Variants in ARFGEF1 observed in about 807,000 individuals in gnomAD.
ARFGEF1 encodes brefeldin A-inhibited guanine nucleotide-exchange protein 1.
ARFGEF1 carries 42 observed loss-of-function variants against 231.0 expected under a neutral mutation model. The observed-to-expected ratio is 0.18, with a 90% confidence interval of 0.14 to 0.24. The LOEUF is 0.24. ARFGEF1 is among the 10% of genes least tolerant of loss of function. The probability of loss-of-function intolerance (pLI) is 1.00; values close to 1 mark genes in which losing one functional copy is unlikely to be tolerated. For synonymous variants in ARFGEF1, 710 were observed against 732.3 expected, an observed-to-expected ratio of 0.97 and a Z score of 0.49; for missense variants, 1,345 against 2,192.0, an observed-to-expected ratio of 0.61 and a Z score of 7.72.
At chr8:67,284,925 T>C (rs1805688078) in intron 7 of ARFGEF1, among the ~76,000 whole-genome samples, 1 of 152,168 alleles carries the variant, frequency 6.6e-6, no homozygotes, top group Non-Finnish European at 1.5e-5. Context: ...AACATCTTTC[T>C]GTTCCAAACA....
chr8:67,186,738 T>C (rs1834709452), intron 5 of ARFGEF1, among the ~76,000 whole-genome samples: 1 of 152,202 alleles, frequency 6.6e-6, no homozygotes. Context: ...GAATTGTTTT[T>C]CTTCACAGAT....
Position 67,291,980 on chromosome 8 carries a change from G to A in ARFGEF1, c.783C>T (p.His261=), listed in dbSNP as rs751171343. The A allele has an allele frequency of 2.2e-5, 36 of 1,613,782 alleles. No individual in the cohort carries two copies. Among genetic ancestry groups the A allele is most frequent in the South Asian group, 1.2e-4 (11 of 91,066 alleles). ...PQTVDHISQE[H]EGDLDLHTND... is the part of the protein sequence containing the mutation. ...TTGTATGGAGGTCAAGGTCCCCTTC[G>A]TGTTCTTGGGATATATGATCAACAG... Residue 261 remains histidine (H), a synonymous_variant, in exon 6 of 39, where the codon CAC becomes CAT. Coordinates refer to ENST00000262215, the MANE Select transcript of ARFGEF1 (RefSeq NM_006421.5).
intron 1 of ARFGEF1, among the ~76,000 whole-genome samples, chr8:67,319,751 T>A (rs1807492510): frequency 6.6e-6 from 1 of 152,126 alleles, no homozygotes; most frequent in African/African-American, 2.4e-5. Flanking sequence ...GTTAAGAGAA[T>A]AAAAGGTAAG....
downstream of ARFGEF1, chr8:67,175,433 A>G (rs369060106): frequency 6.8e-5 from 110 of 1,614,142 alleles, 1 homozygote; most frequent in African/African-American, 1.3e-3. Context: ...GGAAGGTGCC[A>G]AAGGTAAGAA....
At chr8:67,241,513 A>G (rs1236625649) in intron 19 of ARFGEF1, among the ~76,000 whole-genome samples, 2 of 152,250 alleles carry the variant, frequency 1.3e-5, no homozygotes, top group African/African-American at 4.8e-5. Flanking sequence ...ATCAAAGACA[A>G]TGATTCCTCC....
chr8:67,240,307 T>C lies in ARFGEF1; in HGVS notation c.2851-17A>G, dbSNP rs761377434. On this transcript the variant is annotated splice_polypyrimidine_tract_variant and intron_variant, in intron 19 of 38. Transcript: ENST00000262215. ...CCAAGCCAACTACAAAAATTAAAAA[T>C]TGTATTTTAATTAAAGATTATGATA... 1.5e-5 allele frequency: 23 copies of C among 1,581,838 alleles called. No homozygotes were observed. Among genetic ancestry groups the C allele is most frequent in the Non-Finnish European group, 2.0e-5 (23 of 1,168,882 alleles).
intron 7 of ARFGEF1, among the ~76,000 whole-genome samples, chr8:67,281,572 A>G (rs1327020568): frequency 6.6e-6 from 1 of 152,136 alleles, no homozygotes; most frequent in Non-Finnish European, 1.5e-5. Context: ...ACACTATTCA[A>G]CATTTTCTGG....
chr8:67,223,527 T>C (rs192218546), intron 29 of ARFGEF1, among the ~76,000 whole-genome samples: 1 of 152,232 alleles, frequency 6.6e-6, no homozygotes, highest in East Asian at 1.9e-4. Context: ...CCCATACATA[T>C]CCTGGGATGA....
intron 1 of ARFGEF1, among the ~76,000 whole-genome samples, chr8:67,320,485 C>A (rs778633382): frequency 1.3e-5 from 2 of 152,068 alleles, no homozygotes; most frequent in Non-Finnish European, 2.9e-5. Context: ...ACCATATGAC[C>A]CAGCAGTCCC....
At position 67,197,770 on chromosome 8, in the gene ARFGEF1, G is replaced by T. The variant is rs1455054243; in HGVS notation, c.*1164C>A. On this transcript the variant is annotated 3_prime_UTR_variant, in exon 39 of 39. Transcript: ENST00000262215. ...AAAGTTGTACAGAATTTTTTACATA[G>T]AAAACTTTACATCTGTACCATATAC... The T allele has an allele frequency of 1.0e-6, 1 of 985,634 alleles. No homozygotes were observed. Among genetic ancestry groups the T allele is most frequent in the East Asian group, 1.1e-4 (1 of 8,826 alleles). The allele number at this position is 985,634 out of a possible 1,614,324, so 61.1% of individuals were successfully genotyped here. A position where few individuals can be genotyped will look rare whatever the true frequency, so the allele number is the denominator to read the frequency against.
downstream of ARFGEF1, chr8:67,174,917 G>A (rs945319498): frequency 2.8e-5 from 5 of 178,564 alleles, no homozygotes; most frequent in South Asian, 2.7e-4. Context: ...GAGATCAGCC[G>A]TGATTACAGT....
intron 1 of ARFGEF1, among the ~76,000 whole-genome samples, chr8:67,330,456 C>A (rs1458243109): frequency 6.6e-6 from 1 of 152,086 alleles, no homozygotes; most frequent in Non-Finnish European, 1.5e-5. Context: ...ACCTTCACTT[C>A]ATTTATTCAA....
intron 22 of ARFGEF1, among the ~76,000 whole-genome samples, chr8:67,236,832 T>C (rs1839785946): frequency 6.6e-6 from 1 of 152,216 alleles, no homozygotes; most frequent in Non-Finnish European, 1.5e-5. Flanking sequence ...AAATTCCCTT[T>C]TTCTGAAGGG....
chr8:67,343,541 C>T lies in ARFGEF1; in HGVS notation c.-254G>A. 1 of 1,150,326 alleles carries T rather than the reference C, an allele frequency of 8.7e-7. No homozygotes were observed. Among genetic ancestry groups the T allele is most frequent in the African/African-American group, 1.6e-5 (1 of 61,992 alleles). The allele number at this position is 1,150,326 out of a possible 1,614,324, so 71.3% of individuals were successfully genotyped here. ...GGCCGCGCCCGTCGGGCCTCCGCTTCTCCCGGCCCGGGGGTCGCGTCCCGG... is the reference window on the plus strand; with the variant it reads ...GGCCGCGCCCGTCGGGCCTCCGCTTTTCCCGGCCCGGGGGTCGCGTCCCGG... On this transcript the variant is annotated 5_prime_UTR_variant, in exon 1 of 39. Transcript: ENST00000262215.
At chr8:67,269,598 G>A (rs193258343) in intron 10 of ARFGEF1, among the ~76,000 whole-genome samples, 2,297 of 151,884 alleles carry the variant, frequency 0.015, 60 homozygotes, top group African/African-American at 0.053. Flanking sequence ...TGATCCACCC[G>A]CCTCGGCCTC....
intron 1 of ARFGEF1, among the ~76,000 whole-genome samples, chr8:67,324,296 GAAAAC>G (rs746740145): frequency 2.6e-5 from 4 of 152,064 alleles, no homozygotes; most frequent in East Asian, 1.9e-4. Flanking sequence ...CTGTCTCAAA[GAAAAC>G]AAAACAAAAC....
intron 3 of ARFGEF1, among the ~76,000 whole-genome samples, chr8:67,299,786 C>T (rs937101792): frequency 1.6e-4 from 24 of 151,980 alleles, no homozygotes; most frequent in African/African-American, 5.1e-4. Flanking sequence ...GCTGGCAACA[C>T]AGGGAAAGCC....
chr8:67,324,409 C>T (rs1000661291), intron 1 of ARFGEF1, among the ~76,000 whole-genome samples: 2 of 152,192 alleles, frequency 1.3e-5, no homozygotes, highest in African/African-American at 4.8e-5. Context: ...TGCAGACATG[C>T]TTCCTTATAC....
intron 29 of ARFGEF1, among the ~76,000 whole-genome samples, chr8:67,223,352 A>G (rs932087274): frequency 4.6e-5 from 7 of 152,148 alleles, no homozygotes; most frequent in Non-Finnish European, 8.8e-5. Context: ...AACTAGAGGC[A>G]TGACCACCAT....
Sources: gnomAD v4.1 joint callset for allele counts (sites outside exome capture counted in the v4.1 genomes callset) on GRCh38, gnomAD v4.1.1 for gene constraint, MANE v1.5 for transcripts, NCBI Gene and HGNC (gene_info 2026-07-23, HGNC 2026-07-21) for gene names.